ZBTB46: variants seen among roughly 807,000 people sequenced by gnomAD.
ZBTB46 encodes the protein zinc finger and BTB domain-containing protein 46.
ZBTB46 carries 8 observed loss-of-function variants against 44.1 expected under a neutral mutation model. The observed-to-expected ratio is 0.18, with a 90% confidence interval of 0.11 to 0.33. The LOEUF is 0.33. Ranked by LOEUF, ZBTB46 falls within the 10% of genes least tolerant of loss-of-function variation. The pLI is 1.00. For missense variants in ZBTB46, 651 were observed against 847.7 expected (o/e 0.77, Z 2.88); for synonymous variants, 409 against 382.3 (o/e 1.07, Z -0.81).
intron 2 of ZBTB46, among the ~76,000 whole-genome samples, chr20:63,781,528 C>T (rs1053636510): frequency 3.3e-5 from 5 of 152,206 alleles, no homozygotes; most frequent in South Asian, 4.1e-4. Flanking sequence ...TGGCGTCTCA[C>T]GTCTGTCATG....
chr20:63,827,873 T>C (rs2092828328), intron 1 of ZBTB46, among the ~76,000 whole-genome samples: 1 of 152,242 alleles, frequency 6.6e-6, no homozygotes, highest in Non-Finnish European at 1.5e-5. Context: ...ACTGGTTTCA[T>C]TTGTTTTTAT....
intron 3 of ZBTB46, among the ~76,000 whole-genome samples, chr20:63,772,106 T>G (rs1449272115): frequency 6.6e-6 from 1 of 150,986 alleles, no homozygotes. Context: ...GCGATTCTCC[T>G]GCCTCAGTCT....
chr20:63,752,832 ACTT>A lies in ZBTB46; in HGVS notation c.1249_1251del (p.Lys417del). On this transcript the variant is annotated inframe_deletion, in exon 4 of 5. Coordinates refer to ENST00000245663, the MANE Select transcript of ZBTB46 (RefSeq NM_001369741.1). This position sits in a 1 kb window ranked among gnomAD's most constrained non-coding sequence, Gnocchi z 5.6. ...GAGAAGCTGCAGTACGGACACTTGA[ACTT>A]CTTCCTGATCACCGTGAACTCATTC... 1 of 1,610,812 alleles carries A rather than the reference ACTT, an allele frequency of 6.2e-7. No individual in the cohort carries two copies. The highest frequency in any genetic ancestry group is 8.5e-7 in the Non-Finnish European group (1 of 1,177,974).
At chr20:63,800,224 C>T (rs543327018) in intron 1 of ZBTB46, among the ~76,000 whole-genome samples, 5 of 152,306 alleles carry the variant, frequency 3.3e-5, no homozygotes, top group East Asian at 3.9e-4. Context: ...CCCACAGTTA[C>T]GCTGAGTAAG....
At chr20:63,769,739 T>C (rs1386559644) in intron 3 of ZBTB46, among the ~76,000 whole-genome samples, 1 of 152,188 alleles carries the variant, frequency 6.6e-6, no homozygotes, top group African/African-American at 2.4e-5. Flanking sequence ...TGCAGCACCA[T>C]GTCCACCAAA....
chr20:63,764,488 T>C, intron 3 of ZBTB46, among the ~76,000 whole-genome samples: 1 of 152,186 alleles, frequency 6.6e-6, no homozygotes. Context: ...AGTTCCAGGT[T>C]GGCATCTTTT....
chr20:63,754,250 G>A (rs971744144), intron 3 of ZBTB46, among the ~76,000 whole-genome samples: 1 of 152,138 alleles, frequency 6.6e-6, no homozygotes, highest in Non-Finnish European at 1.5e-5. Context: ...CCTGTCCTCT[G>A]TCAGCCACAC....
chr20:63,766,854 C>T (rs879913735), intron 3 of ZBTB46, among the ~76,000 whole-genome samples: 2 of 152,206 alleles, frequency 1.3e-5, no homozygotes, highest in Non-Finnish European at 2.9e-5. Flanking sequence ...GGCTGTTGGG[C>T]AGATGGTGGG....
chr20:63,804,268 G>C (rs2092667512), intron 1 of ZBTB46, among the ~76,000 whole-genome samples: 1 of 152,210 alleles, frequency 6.6e-6, no homozygotes, highest in African/African-American at 2.4e-5. Flanking sequence ...GGTGGCAGGG[G>C]TGCCTCCAGA....
chr20:63,799,159 T>C (rs2092625280), intron 1 of ZBTB46, among the ~76,000 whole-genome samples: 3 of 149,626 alleles, frequency 2.0e-5, no homozygotes, highest in East Asian at 2.0e-4. Context: ...GCCCCCTGAG[T>C]AGCTAGGACC....
At chr20:63,830,518 C>A (rs1224804748) in intron 1 of ZBTB46, among the ~76,000 whole-genome samples, 1 of 150,510 alleles carries the variant, frequency 6.6e-6, no homozygotes, top group East Asian at 2.0e-4. Flanking sequence ...GAGACAATGA[C>A]CCCCCGGCCT....
chr20:63,788,182 G>C (rs529485912), intron 2 of ZBTB46: 2 of 152,332 alleles, frequency 1.3e-5, no homozygotes, highest in East Asian at 3.9e-4. Context: ...GTGCAATCAC[G>C]GCTCACTGCA....
intron 1 of ZBTB46, among the ~76,000 whole-genome samples, chr20:63,811,420 G>C (rs2092717170): frequency 6.6e-6 from 1 of 152,236 alleles, no homozygotes; most frequent in Non-Finnish European, 1.5e-5. Context: ...CCCAGCTTCT[G>C]ACTTCCAGGA....
intron 4 of ZBTB46, among the ~76,000 whole-genome samples, chr20:63,750,498 C>T (rs1444734594): frequency 1.3e-5 from 2 of 152,024 alleles, no homozygotes; most frequent in African/African-American, 4.8e-5. Context: ...CCCAGCCTCC[C>T]GAAGTGCTAG....
At chr20:63,750,976 G>A (rs1160075652) in intron 4 of ZBTB46, among the ~76,000 whole-genome samples, 2 of 152,044 alleles carry the variant, frequency 1.3e-5, no homozygotes, top group African/African-American at 2.4e-5. Context: ...ACCTCAAACA[G>A]GATCAAAACG....
At chr20:63,786,717 G>A (rs192092047) in intron 2 of ZBTB46, among the ~76,000 whole-genome samples, 1,845 of 152,176 alleles carry the variant, frequency 0.012, 12 homozygotes, top group African/African-American at 0.017. Flanking sequence ...TCACCATGTT[G>A]GCCACGATGG....
At position 63,775,717 on chromosome 20, in the gene ZBTB46, G is replaced by C. The variant is rs1365323799; in HGVS notation, c.1183C>G (p.Leu395Val). 8 of 1,606,296 alleles carry C rather than the reference G, an allele frequency of 5.0e-6. No homozygotes were observed. The highest frequency in any genetic ancestry group is 6.0e-6 in the Non-Finnish European group (7 of 1,175,762). ...ADVLGDDGSLLFEYLPRGAHS... is the reference protein window; with the variant it reads ...ADVLGDDGSLVFEYLPRGAHS... ...GCCCCTCTGGGCAGGTACTCGAACA[G>C]CAGGGAGCCGTCATCCCCCAGCACG... Residue 395 changes from leucine to valine, a missense_variant, in exon 3 of 5, where the codon CTG becomes GTG. By Grantham distance (32) the Leu-to-Val change is conservative (BLOSUM62 1). Coordinates refer to ENST00000245663, the MANE Select transcript of ZBTB46 (RefSeq NM_001369741.1).
intron 3 of ZBTB46, chr20:63,769,442 C>T: frequency 1.0e-6 from 1 of 985,354 alleles, no homozygotes; most frequent in Non-Finnish European, 1.2e-6. Flanking sequence ...CTGCTGGGTT[C>T]TAGAGAGTTC....
At chr20:63,818,479 A>C (rs141423218) in intron 1 of ZBTB46, among the ~76,000 whole-genome samples, 1,633 of 152,342 alleles carry the variant, frequency 0.011, 17 homozygotes, top group African/African-American at 0.037. Flanking sequence ...CATGTTCTAC[A>C]GCAACAGTGG....
Sources: allele counts gnomAD v4.1 joint callset (sites outside exome capture counted in the v4.1 genomes callset), GRCh38; gene constraint gnomAD v4.1.1; non-coding constraint Gnocchi (gnomAD v3.1); transcripts MANE v1.5; gene names NCBI Gene and HGNC (gene_info 2026-07-23, HGNC 2026-07-21).